SEMA5A: variants seen among roughly 807,000 people sequenced by gnomAD.
SEMA5A encodes the protein semaphorin-5A.
Under a neutral mutation model 135.5 loss-of-function variants are expected in SEMA5A, and 55 were observed. The ratio of observed to expected loss-of-function variants is 0.41; its 90% CI spans 0.33 to 0.51. The LOEUF is 0.51. SEMA5A is among the 20% of genes least tolerant of loss of function. The pLI is 0.37. For synonymous variants in SEMA5A, 580 were observed against 546.5 expected, an observed-to-expected ratio of 1.06 and a Z score of -0.85; for missense variants, 1,290 against 1,419.9, an observed-to-expected ratio of 0.91 and a Z score of 1.47.
At chr5:9,302,507 T>A (rs1372847190) in intron 5 of SEMA5A, among the ~76,000 whole-genome samples, 1 of 152,212 alleles carries the variant, frequency 6.6e-6, no homozygotes, top group Non-Finnish European at 1.5e-5. Context: ...CAACAGATAG[T>A]GGTAGAAACA....
At chr5:9,488,387 AAG>A (rs543166020) in intron 1 of SEMA5A, among the ~76,000 whole-genome samples, 120 of 152,326 alleles carry the variant, frequency 7.9e-4, no homozygotes, top group African/African-American at 2.8e-3. Flanking sequence ...AGACACTTAT[AAG>A]ATGACTCCAG....
At chr5:9,390,266 AG>A (rs1197427738) in intron 2 of SEMA5A, among the ~76,000 whole-genome samples, 1 of 152,218 alleles carries the variant, frequency 6.6e-6, no homozygotes, top group Non-Finnish European at 1.5e-5. Context: ...ACTTAAAAAA[AG>A]GGGGGTCCCC....
At chr5:9,271,188 T>C (rs1749955721) in intron 5 of SEMA5A, among the ~76,000 whole-genome samples, 1 of 152,116 alleles carries the variant, frequency 6.6e-6, no homozygotes, top group African/African-American at 2.4e-5. Context: ...GTTTACTTGC[T>C]CTCTCTTCTG....
At chr5:9,244,013 T>G (rs1380712262) in intron 5 of SEMA5A, among the ~76,000 whole-genome samples, 2 of 152,196 alleles carry the variant, frequency 1.3e-5, no homozygotes, top group African/African-American at 4.8e-5. Flanking sequence ...TCATAGAATG[T>G]ATTCATGTCT....
In SEMA5A at chr5:9,509,334, G is replaced by T. The variant is rs1439656739; in HGVS notation, c.-175+36250C>A. Among the ~76,000 whole-genome samples, 8 of 151,978 alleles carry T rather than the reference G, an allele frequency of 5.3e-5. No individual in the cohort carries two copies. The South Asian group carries it at 1.7e-3, about 32-fold the overall frequency. On this transcript the variant is annotated intron_variant, in intron 1 of 22. Coordinates refer to ENST00000382496, the MANE Select transcript of SEMA5A (RefSeq NM_003966.3). ...TTGTTGCCCAGGCTGGAGTGCAATGGCATGATCTCGGCTCACTGCAACCTC... is the reference window on the plus strand; with the variant it reads ...TTGTTGCCCAGGCTGGAGTGCAATGTCATGATCTCGGCTCACTGCAACCTC...
intron 3 of SEMA5A, among the ~76,000 whole-genome samples, chr5:9,374,478 A>G (rs904036307): frequency 6.6e-6 from 1 of 152,072 alleles, no homozygotes; most frequent in African/African-American, 2.4e-5. Flanking sequence ...ATTTCCCCTT[A>G]GTCAGTGTTT....
intron 16 of SEMA5A, among the ~76,000 whole-genome samples, chr5:9,086,723 A>G (rs912915556): frequency 2.6e-5 from 4 of 152,222 alleles, no homozygotes; most frequent in Non-Finnish European, 4.4e-5. Flanking sequence ...TTTTCTCACA[A>G]AAGCAAATAT....
chr5:9,320,523 A>G (rs1416484533), intron 4 of SEMA5A, among the ~76,000 whole-genome samples: 1 of 152,182 alleles, frequency 6.6e-6, no homozygotes, highest in Non-Finnish European at 1.5e-5. Flanking sequence ...AGGCCTAGGC[A>G]ACATAGGGAG....
chr5:9,335,769 T>C (rs1472949117), intron 4 of SEMA5A, among the ~76,000 whole-genome samples: 1 of 152,104 alleles, frequency 6.6e-6, no homozygotes, highest in East Asian at 1.9e-4. Flanking sequence ...AACCCCCTTT[T>C]CCCTAAGTGT....
intron 11 of SEMA5A, among the ~76,000 whole-genome samples, chr5:9,169,051 A>G (rs1743767893): frequency 6.6e-6 from 1 of 152,212 alleles, no homozygotes; most frequent in Admixed American, 6.5e-5. Flanking sequence ...AAAAGATGAA[A>G]AAATCCTGGG....
chr5:9,475,655 A>C (rs866747286), intron 1 of SEMA5A, among the ~76,000 whole-genome samples: 2 of 152,222 alleles, frequency 1.3e-5, no homozygotes, highest in African/African-American at 2.4e-5. Flanking sequence ...AAAGTAACTA[A>C]GGACCCCAAA....
intron 2 of SEMA5A, among the ~76,000 whole-genome samples, chr5:9,398,011 G>A (rs1756478071): frequency 6.6e-6 from 1 of 152,218 alleles, no homozygotes; most frequent in Admixed American, 6.5e-5. Flanking sequence ...GATAGGAAGA[G>A]CTGATCCACG....
chr5:9,449,206 G>A (rs2126699730), intron 1 of SEMA5A, among the ~76,000 whole-genome samples: 1 of 152,272 alleles, frequency 6.6e-6, no homozygotes, highest in South Asian at 2.1e-4. Flanking sequence ...AGAAAATGTG[G>A]TACATGCACA....
chr5:9,047,894 G>T (rs1736357071), intron 21 of SEMA5A, among the ~76,000 whole-genome samples: 1 of 152,176 alleles, frequency 6.6e-6, no homozygotes, highest in South Asian at 2.1e-4. Flanking sequence ...GGGTGGTGAT[G>T]GGCTTTGCAC....
chr5:9,279,032 C>T (rs1042436712), intron 5 of SEMA5A, among the ~76,000 whole-genome samples: 3 of 152,246 alleles, frequency 2.0e-5, no homozygotes, highest in South Asian at 2.1e-4. Flanking sequence ...TCCTCCAGAC[C>T]GTAGAATTAT....
chr5:9,084,008 C>T (rs1713508307), intron 16 of SEMA5A, among the ~76,000 whole-genome samples: 1 of 152,042 alleles, frequency 6.6e-6, no homozygotes, highest in South Asian at 2.1e-4. Context: ...TTATCCATGC[C>T]CTAAAAGTGG....
intron 3 of SEMA5A, among the ~76,000 whole-genome samples, chr5:9,350,438 T>C (rs920606322): frequency 8.5e-5 from 13 of 152,200 alleles, no homozygotes; most frequent in African/African-American, 2.4e-4. Context: ...TCTAAGCCCT[T>C]ACAATATTCT....
At chr5:9,265,328 C>T (rs1020103542) in intron 5 of SEMA5A, 22 of 422,672 alleles carry the variant, frequency 5.2e-5, no homozygotes, top group African/African-American at 3.8e-4. Context: ...AAGGACAGGC[C>T]CAGTTCCTGC....
Position 9,088,659 on chromosome 5 carries a change from T to TATATATATACAC in SEMA5A, c.2073+19480_2073+19481insGTGTATATATAT. ...TATAATATATATATATATATATATA[T>TATATATATACAC]ACACACACACACTCATGGAATTCCA... is the stretch of plus-strand genomic sequence containing the variant. On this transcript the variant is annotated intron_variant, in intron 16 of 22. Coordinates refer to ENST00000382496, the MANE Select transcript of SEMA5A (RefSeq NM_003966.3). Among the ~76,000 whole-genome samples the TATATATATACAC allele has an allele frequency of 1.8e-3, 207 of 112,836 alleles. 1 individual carries two copies. The highest frequency in any genetic ancestry group is 3.0e-3 in the South Asian group (11 of 3,678). 74.0% of individuals were successfully genotyped at this position (112,836 alleles called of 152,430 possible).
Sources: gnomAD v4.1 joint callset for allele counts (sites outside exome capture counted in the v4.1 genomes callset) on GRCh38, gnomAD v4.1.1 for gene constraint, MANE v1.5 for transcripts, NCBI Gene and HGNC (gene_info 2026-07-23, HGNC 2026-07-21) for gene names.